MVB12B: variants seen among roughly 807,000 people sequenced by gnomAD.
MVB12B encodes multivesicular body subunit 12B, also known as ESCRT-I complex subunit MVB12B.
In MVB12B, 16 loss-of-function variants were observed where a neutral mutation model predicts 41.6. That is an observed-to-expected ratio of 0.38 (90% confidence interval 0.26 to 0.58). The LOEUF is 0.58. Among genes scored for constraint, MVB12B ranks in the 20% least tolerant of loss-of-function variants. The pLI is 0.62. For synonymous variants in MVB12B, 133 were observed against 139.7 expected (o/e 0.95, Z 0.34); for missense variants, 274 against 380.2 (o/e 0.72, Z 2.32).
Position 126,360,677 on chromosome 9 carries a change from T to C in MVB12B, c.204+20047T>C, listed in dbSNP as rs797009231. ...CTATCAATTATTAAGAGAAGGGTAT[T>C]AAAATCTCTGACTATAATTGTGGAT... On this transcript the variant is annotated intron_variant, in intron 2 of 9. Transcript: ENST00000361171. 2.0e-5 allele frequency among the ~76,000 whole-genome samples: 3 copies of C among 152,262 alleles called. No homozygotes were observed. The East Asian group carries it at 5.8e-4, about 29-fold the overall frequency.
chr9:126,424,365 T>C (rs1250934701), intron 7 of MVB12B, among the ~76,000 whole-genome samples: 5 of 152,138 alleles, frequency 3.3e-5, no homozygotes, highest in Non-Finnish European at 5.9e-5. Context: ...GGAGACGATA[T>C]GTAGTCCCAT....
chr9:126,354,585 A>T (rs188981235), intron 2 of MVB12B, among the ~76,000 whole-genome samples: 2 of 152,354 alleles, frequency 1.3e-5, no homozygotes, highest in Middle Eastern at 3.4e-3. Context: ...ATTACCAGTA[A>T]TGAGACAATT....
intron 9 of MVB12B, among the ~76,000 whole-genome samples, chr9:126,494,874 C>A (rs1288517008): frequency 2.0e-5 from 3 of 151,646 alleles, no homozygotes; most frequent in Admixed American, 1.3e-4. Flanking sequence ...CCCCACCCCC[C>A]CCCAGGGTTG....
In MVB12B at chr9:126,386,893, G is replaced by A. The variant is rs946854439; in HGVS notation, c.409+235G>A. Among the ~76,000 whole-genome samples, 4 of 152,054 alleles carry A rather than the reference G, an allele frequency of 2.6e-5. No homozygotes were observed. Among genetic ancestry groups the A allele is most frequent in the Admixed American group, 6.6e-5 (1 of 15,258 alleles). On this transcript the variant is annotated intron_variant, in intron 4 of 9. Transcript: ENST00000361171. The surrounding 1 kb of genome is among the most constrained non-coding windows in gnomAD (Gnocchi z 4.3). ...CAGAACGTGCCTTTCTTTTAGAATG[G>A]TGCTCCCTGCTGAATCGGCTCACTG...
At chr9:126,402,522 T>G (rs1831293863) in intron 6 of MVB12B, among the ~76,000 whole-genome samples, 1 of 152,190 alleles carries the variant, frequency 6.6e-6, no homozygotes, top group South Asian at 2.1e-4. Context: ...CACAAGCCTG[T>G]GGTCCTAGCT....
chr9:126,385,251 G>A (rs1378617701), intron 3 of MVB12B, among the ~76,000 whole-genome samples: 1 of 152,202 alleles, frequency 6.6e-6, no homozygotes, highest in Non-Finnish European at 1.5e-5. Flanking sequence ...TGCTAGGCTT[G>A]TATTTATAGT....
intron 9 of MVB12B, among the ~76,000 whole-genome samples, chr9:126,490,713 C>G (rs1833714295): frequency 6.6e-6 from 1 of 152,212 alleles, no homozygotes; most frequent in South Asian, 2.1e-4. Context: ...GTTCATTTAA[C>G]CACTTAATTG....
intron 9 of MVB12B, among the ~76,000 whole-genome samples, chr9:126,489,184 G>T (rs1222519319): frequency 6.6e-6 from 1 of 152,248 alleles, no homozygotes; most frequent in Non-Finnish European, 1.5e-5. Flanking sequence ...GCCGGTGTCT[G>T]CAGGGACCCT....
In MVB12B at chr9:126,392,112, A is replaced by G; in HGVS notation, c.456A>G (p.Pro152=). The change falls in exon 5 of 10, where the codon CCA becomes CCG. Residue 152 remains proline (P), a synonymous_variant. Coordinates refer to ENST00000361171, the MANE Select transcript of MVB12B (RefSeq NM_033446.3). This position sits in a 1 kb window ranked among gnomAD's most constrained non-coding sequence, Gnocchi z 4.8. ...RKKRLCIKFI[P]RDSTEAAICD... ...AGAGGCTGTGCATTAAATTTATTCCACGGGATTCAACGGAAGCTGCGATTT... is the reference window on the plus strand; with the variant it reads ...AGAGGCTGTGCATTAAATTTATTCCGCGGGATTCAACGGAAGCTGCGATTT... 6.2e-7 allele frequency: 1 copy of G among 1,614,146 alleles called. No individual in the cohort carries two copies. Among genetic ancestry groups the G allele is most frequent in the Non-Finnish European group, 8.5e-7 (1 of 1,180,008 alleles).
At chr9:126,463,374 G>T (rs980113889) in intron 7 of MVB12B, among the ~76,000 whole-genome samples, 1 of 152,190 alleles carries the variant, frequency 6.6e-6, no homozygotes, top group Non-Finnish European at 1.5e-5. Flanking sequence ...GAACTGAGAA[G>T]TCCGGTATTT....
intron 3 of MVB12B, among the ~76,000 whole-genome samples, chr9:126,382,101 TA>T (rs10658875): frequency 1.4e-3 from 201 of 146,096 alleles, no homozygotes; most frequent in East Asian, 5.3e-3. Flanking sequence ...TATTTGCAGT[TA>T]AAAAAAAAAA....
chr9:126,351,923 G>A (rs994363971), intron 2 of MVB12B, among the ~76,000 whole-genome samples: 1 of 152,054 alleles, frequency 6.6e-6, no homozygotes, highest in Non-Finnish European at 1.5e-5. Context: ...TTTGTCAGAT[G>A]CCTTTCCTGT....
chr9:126,500,811 G>A (rs942829879), intron 9 of MVB12B, among the ~76,000 whole-genome samples: 1 of 152,174 alleles, frequency 6.6e-6, no homozygotes, highest in East Asian at 1.9e-4. Flanking sequence ...CCCCAGTCAG[G>A]CCCCGAATCT....
At position 126,380,960 on chromosome 9, in the gene MVB12B, C is replaced by T. The variant is rs1234029157; in HGVS notation, c.205-104C>T. On this transcript the variant is annotated intron_variant, in intron 2 of 9. Coordinates refer to ENST00000361171, the MANE Select transcript of MVB12B (RefSeq NM_033446.3). ...TGAGCTAATGAGATGCCGGGAGATC[C>T]CAAGCTGGTGTTAATTGGAACAGGC... The T allele has an allele frequency of 2.5e-5, 20 of 790,458 alleles. No homozygotes were observed. The East Asian group carries it at 4.7e-4, about 18-fold the overall frequency. 49.0% of individuals were successfully genotyped at this position (790,458 alleles called of 1,614,324 possible). A position where few individuals can be genotyped will look rare whatever the true frequency, so the allele number is the denominator to read the frequency against.
intron 7 of MVB12B, among the ~76,000 whole-genome samples, chr9:126,462,278 AG>A (rs1199358563): frequency 6.6e-6 from 1 of 152,248 alleles, no homozygotes; most frequent in African/African-American, 2.4e-5. Context: ...AATGCAGGCC[AG>A]GGTATTGGAA....
At chr9:126,363,549 C>G (rs1830083701) in intron 2 of MVB12B, among the ~76,000 whole-genome samples, 1 of 152,188 alleles carries the variant, frequency 6.6e-6, no homozygotes, top group African/African-American at 2.4e-5. Flanking sequence ...GAACTGTTGC[C>G]AGTGGAAACT....
chr9:126,463,220 TCTC>T (rs1421503172), intron 7 of MVB12B, among the ~76,000 whole-genome samples: 6 of 152,102 alleles, frequency 3.9e-5, no homozygotes, highest in African/African-American at 1.4e-4. Context: ...TGGTGTGTGT[TCTC>T]CTGCCTCCCG....
At chr9:126,396,746 G>T in intron 6 of MVB12B, 1 of 985,486 alleles carries the variant, frequency 1.0e-6, no homozygotes, top group Non-Finnish European at 1.2e-6. Context: ...CACAAACCAA[G>T]AGTGGTATTT....
Position 126,392,316 on chromosome 9 carries a change from G to A in MVB12B, c.539+121G>A. 8.5e-7 allele frequency: 1 copy of A among 1,177,440 alleles called. No individual in the cohort carries two copies. The highest frequency in any genetic ancestry group is 1.2e-6 in the Non-Finnish European group (1 of 820,374). 72.9% of individuals were successfully genotyped at this position (1,177,440 alleles called of 1,614,324 possible). A position where few individuals can be genotyped will look rare whatever the true frequency, so the allele number is the denominator to read the frequency against. On this transcript the variant is annotated intron_variant, in intron 5 of 9. Coordinates refer to ENST00000361171, the MANE Select transcript of MVB12B (RefSeq NM_033446.3). The surrounding 1 kb of genome is among the most constrained non-coding windows in gnomAD (Gnocchi z 4.8). ...CCCAGGCTCTCAGCCATGGGCCTCT[G>A]TCAGCCCAGTGCTCCTCGCTGCCCT... is the stretch of plus-strand genomic sequence containing the variant.
Sources: gnomAD v4.1 joint callset for allele counts (sites outside exome capture counted in the v4.1 genomes callset) on GRCh38, gnomAD v4.1.1 for gene constraint, Gnocchi (gnomAD v3.1) non-coding constraint, MANE v1.5 for transcripts, NCBI Gene and HGNC (gene_info 2026-07-23, HGNC 2026-07-21) for gene names.